GRM1: variants seen among roughly 807,000 people sequenced by gnomAD.
The protein encoded by GRM1 is glutamate metabotropic receptor 1.
GRM1 carries 33 observed loss-of-function variants against 90.9 expected under a neutral mutation model. The ratio of observed to expected loss-of-function variants is 0.36; its 90% CI spans 0.28 to 0.49. The LOEUF (loss-of-function observed/expected upper bound fraction) is 0.49. Ranked by LOEUF, GRM1 falls within the 20% of genes least tolerant of loss-of-function variation. The probability of loss-of-function intolerance (pLI) is 0.99; values close to 1 mark genes in which losing one functional copy is unlikely to be tolerated. For synonymous variants in GRM1, 700 were observed against 613.2 expected, an observed-to-expected ratio of 1.14 and a Z score of -2.09; for missense variants, 1,190 against 1,534.3, an observed-to-expected ratio of 0.78 and a Z score of 3.75.
At chr6:146,061,412 T>C (rs888718111) in intron 1 of GRM1, among the ~76,000 whole-genome samples, 4 of 152,196 alleles carry the variant, frequency 2.6e-5, no homozygotes, top group African/African-American at 7.2e-5. Context: ...ATCACAGATA[T>C]TGCATTTTGA....
intron 2 of GRM1, among the ~76,000 whole-genome samples, chr6:146,177,302 A>C (rs1349367864): frequency 1.3e-5 from 2 of 152,058 alleles, no homozygotes; most frequent in Non-Finnish European, 2.9e-5. Flanking sequence ...GCAGGCTAGA[A>C]TAGAATAGAA....
intron 1 of GRM1, among the ~76,000 whole-genome samples, chr6:146,127,259 C>G (rs1368522370): frequency 6.6e-6 from 1 of 152,056 alleles, no homozygotes; most frequent in Non-Finnish European, 1.5e-5. Flanking sequence ...CATCCTGCAG[C>G]CAAGAGTAAG....
chr6:146,253,490 T>C (rs773638717), intron 2 of GRM1, among the ~76,000 whole-genome samples: 2 of 152,214 alleles, frequency 1.3e-5, no homozygotes, highest in Non-Finnish European at 2.9e-5. Flanking sequence ...TTAACATTGA[T>C]GTATGTCTTG....
At position 146,188,892 on chromosome 6, in the gene GRM1, C is replaced by T. The variant is rs145153120; in HGVS notation, c.950+29295C>T. 3.0e-3 allele frequency among the ~76,000 whole-genome samples: 456 copies of T among 152,292 alleles called. 2 individuals are homozygous for T. The highest frequency in any genetic ancestry group is 0.01 in the African/African-American group (434 of 41,566). ...CATTTCTCTTTTCCCTGGCTTTCTGCCCTCACGTTTTTTATCAGTTTTCTT... is the reference window on the plus strand; with the variant it reads ...CATTTCTCTTTTCCCTGGCTTTCTGTCCTCACGTTTTTTATCAGTTTTCTT... On this transcript the variant is annotated intron_variant, in intron 2 of 7. Coordinates refer to ENST00000282753, the MANE Select transcript of GRM1 (RefSeq NM_001278064.2).
chr6:146,307,607 A>G (rs1171289602), intron 3 of GRM1, among the ~76,000 whole-genome samples: 1 of 152,178 alleles, frequency 6.6e-6, no homozygotes, highest in Non-Finnish European at 1.5e-5. Flanking sequence ...AATGAATTCC[A>G]TAATCTTCTA....
chr6:146,375,559 T>C (rs1003642783), intron 5 of GRM1, among the ~76,000 whole-genome samples: 1 of 152,088 alleles, frequency 6.6e-6, no homozygotes, highest in Non-Finnish European at 1.5e-5. Context: ...ATATTTCCTT[T>C]ACCTATCTAG....
chr6:146,028,398 T>C (rs1790576507), upstream of GRM1, among the ~76,000 whole-genome samples: 2 of 151,984 alleles, frequency 1.3e-5, no homozygotes, highest in African/African-American at 4.8e-5. Flanking sequence ...GACCGAGCAC[T>C]GTCCAGGGTC....
rs1409572047 is a variant in GRM1 at position 146,029,506 on chromosome 6, G to A, written c.-12G>A. 2 of 1,608,504 alleles carry A rather than the reference G, an allele frequency of 1.2e-6. No homozygotes were observed. Among genetic ancestry groups the A allele is most frequent in the Non-Finnish European group, 1.7e-6 (2 of 1,175,060 alleles). ...ACGCGGCTGGCAGGCTGTGGACCTC[G>A]TCCTCACCACCATGGTCGGGCTCCT... is the stretch of plus-strand genomic sequence containing the variant. On this transcript the variant is annotated 5_prime_UTR_variant, in exon 1 of 8. Transcript: ENST00000282753.
intron 1 of GRM1, among the ~76,000 whole-genome samples, chr6:146,077,125 T>G (rs1776213227): frequency 6.6e-6 from 1 of 152,342 alleles, no homozygotes; most frequent in African/African-American, 2.4e-5. Context: ...TGTTATGGAT[T>G]TTGTGATTGA....
chr6:146,188,577 C>G lies in GRM1; in HGVS notation c.950+28980C>G, dbSNP rs1377533497. On this transcript the variant is annotated intron_variant, in intron 2 of 7. Transcript: ENST00000282753. ...TGTTAATGTCAGAATGTTTAATTCT[C>G]CCCATACCCCAATAACTTAAACATG... Among the ~76,000 whole-genome samples the G allele has an allele frequency of 2.0e-5, 3 of 152,268 alleles. No homozygotes were observed. The Middle Eastern group carries it at 0.01, about 518-fold the overall frequency.
intron 6 of GRM1, among the ~76,000 whole-genome samples, chr6:146,396,700 G>A (rs1776951092): frequency 6.6e-6 from 1 of 152,010 alleles, no homozygotes; most frequent in African/African-American, 2.4e-5. Context: ...GTAAATAACA[G>A]CAAAAGCAAA....
intron 7 of GRM1, among the ~76,000 whole-genome samples, chr6:146,409,712 G>A (rs1292964608): frequency 6.6e-6 from 1 of 152,070 alleles, no homozygotes; most frequent in Non-Finnish European, 1.5e-5. Flanking sequence ...GAAAATCAGT[G>A]AGTATTTAAT....
chr6:146,388,904 G>A (rs1209732031), intron 6 of GRM1, among the ~76,000 whole-genome samples: 1 of 152,090 alleles, frequency 6.6e-6, no homozygotes, highest in East Asian at 1.9e-4. Flanking sequence ...AATGCAGTTG[G>A]TTAATAGAAA....
intron 1 of GRM1, among the ~76,000 whole-genome samples, chr6:146,083,515 G>A (rs1776436632): frequency 6.6e-6 from 1 of 152,164 alleles, no homozygotes; most frequent in African/African-American, 2.4e-5. Context: ...CATTGGTTCT[G>A]TTTATGTGAT....
At chr6:146,137,173 T>C (rs1776657693) in intron 1 of GRM1, among the ~76,000 whole-genome samples, 1 of 152,162 alleles carries the variant, frequency 6.6e-6, no homozygotes, top group Non-Finnish European at 1.5e-5. Flanking sequence ...TTTAAGTTGA[T>C]GTATCCCATT....
chr6:146,093,761 T>C (rs1299736235), intron 1 of GRM1, among the ~76,000 whole-genome samples: 6 of 152,050 alleles, frequency 3.9e-5, no homozygotes, highest in African/African-American at 1.4e-4. Context: ...AATAAAGGAC[T>C]GCCAGGAACA....
At chr6:146,326,347 C>A (rs1784399519) in intron 3 of GRM1, among the ~76,000 whole-genome samples, 1 of 152,044 alleles carries the variant, frequency 6.6e-6, no homozygotes, top group African/African-American at 2.4e-5. Context: ...GAATAGAAAA[C>A]CAAATACCAC....
At chr6:146,143,071 C>T (rs112118833) in intron 1 of GRM1, among the ~76,000 whole-genome samples, 4 of 152,256 alleles carry the variant, frequency 2.6e-5, no homozygotes, top group African/African-American at 9.6e-5. Context: ...GCTAGCACTA[C>T]TGATTATTCA....
At chr6:146,065,435 G>A (rs148433995) in intron 1 of GRM1, among the ~76,000 whole-genome samples, 297 of 152,252 alleles carry the variant, frequency 2.0e-3, no homozygotes, top group African/African-American at 6.0e-3. Flanking sequence ...ACTTCTCTGT[G>A]CTTCCGTTTC....
Sources: gnomAD v4.1 joint callset for allele counts (sites outside exome capture counted in the v4.1 genomes callset) on GRCh38, gnomAD v4.1.1 for gene constraint, MANE v1.5 for transcripts, NCBI Gene and HGNC (gene_info 2026-07-23, HGNC 2026-07-21) for gene names.